AGK: variants seen among roughly 807,000 people sequenced by gnomAD.
AGK encodes the protein acylglycerol kinase, mitochondrial.
AGK carries 52 observed loss-of-function variants against 66.4 expected under a neutral mutation model. That is an observed-to-expected ratio of 0.78 (90% CI 0.63 to 0.99). AGK has a LOEUF of 0.99. Among genes scored for constraint, AGK ranks in the 50% least tolerant of loss-of-function variants. AGK has a pLI of 0.00. For missense variants in AGK, 451 were observed against 506.6 expected, an observed-to-expected ratio of 0.89 and a Z score of 1.05; for synonymous variants, 182 against 181.1, an observed-to-expected ratio of 1.00 and a Z score of -0.04.
chr7:141,655,148 G>T lies in AGK; in HGVS notation c.*2224G>T, dbSNP rs891027514. 1 of 152,216 alleles carries T rather than the reference G, an allele frequency of 6.6e-6. No individual in the cohort carries two copies. Among genetic ancestry groups the T allele is most frequent in the South Asian group, 2.1e-4 (1 of 4,836 alleles). The allele number at this position is 152,216 out of a possible 1,614,324, so 9.4% of individuals were successfully genotyped here. A position where few individuals can be genotyped will look rare whatever the true frequency, so the allele number is the denominator to read the frequency against. ...GTGTGTGTTTATGTGTGCTCATTTT[G>T]TGGTTCTAATCATAATGGTACATAT... On this transcript the variant is annotated 3_prime_UTR_variant, in exon 16 of 16. Coordinates refer to ENST00000649286, the MANE Select transcript of AGK (RefSeq NM_018238.4).
At chr7:141,620,411 ACT>A (rs1796798032) in intron 8 of AGK, among the ~76,000 whole-genome samples, 1 of 152,154 alleles carries the variant, frequency 6.6e-6, no homozygotes, top group South Asian at 2.1e-4. Flanking sequence ...GGAAGTTGTC[ACT>A]CTGTCCTAAC....
chr7:141,647,059 CCTCT>C (rs1311586770), intron 13 of AGK, among the ~76,000 whole-genome samples: 1 of 152,082 alleles, frequency 6.6e-6, no homozygotes, highest in East Asian at 1.9e-4. Flanking sequence ...TCTTCCTCCT[CCTCT>C]CTAACTACCC....
intron 2 of AGK, among the ~76,000 whole-genome samples, chr7:141,567,350 C>G (rs1795494977): frequency 6.6e-6 from 1 of 152,120 alleles, no homozygotes; most frequent in Non-Finnish European, 1.5e-5. Flanking sequence ...TATCTGACCC[C>G]TTTTGATTAC....
At chr7:141,597,360 T>C (rs1224127107) in intron 4 of AGK, 1 of 152,300 alleles carries the variant, frequency 6.6e-6, no homozygotes, top group Non-Finnish European at 1.5e-5. Context: ...ACTCAAAGTC[T>C]GTTAAGGAAA....
At position 141,615,549 on chromosome 7, in the gene AGK, A is replaced by C; in HGVS notation, c.502A>C (p.Ser168Arg). ...TTTGAGTCATACCCTCTTTGCCGAA[A>C]GTGGAAACAAAGTCCAGTAGGTTGT... ...SSLSHTLFAE[S>R]GNKVQHITDA... is the part of the protein sequence containing the mutation. The change falls in exon 8 of 16, where the codon AGT (serine) becomes CGT (arginine). Residue 168 changes from serine to arginine, a missense_variant. Physicochemically the swap from Ser to Arg is moderately radical, Grantham distance 110 (BLOSUM62 -1). Coordinates refer to ENST00000649286, the MANE Select transcript of AGK (RefSeq NM_018238.4). 6.2e-7 allele frequency: 1 copy of C among 1,613,810 alleles called. No individual in the cohort carries two copies. Among genetic ancestry groups the C allele is most frequent in the Non-Finnish European group, 8.5e-7 (1 of 1,179,708 alleles).
intron 2 of AGK, among the ~76,000 whole-genome samples, chr7:141,558,030 C>T (rs758855017): frequency 6.6e-6 from 1 of 152,218 alleles, no homozygotes; most frequent in African/African-American, 2.4e-5. Flanking sequence ...TCCTTGACAA[C>T]CACTATTCTA....
intron 2 of AGK, among the ~76,000 whole-genome samples, chr7:141,563,669 C>T (rs761207957): frequency 6.6e-6 from 1 of 152,216 alleles, no homozygotes; most frequent in African/African-American, 2.4e-5. Context: ...ATCACTTGCT[C>T]CTGTTCCACT....
intron 5 of AGK, among the ~76,000 whole-genome samples, chr7:141,609,405 A>G (rs940669673): frequency 2.6e-5 from 4 of 152,184 alleles, no homozygotes; most frequent in African/African-American, 4.8e-5. Context: ...AGGTTCGGTA[A>G]CTCAAACTCA....
At chr7:141,633,013 AC>A (rs1797091642) in intron 9 of AGK, among the ~76,000 whole-genome samples, 2 of 152,190 alleles carry the variant, frequency 1.3e-5, no homozygotes, top group Non-Finnish European at 2.9e-5. Context: ...CTAGGCAGCG[AC>A]TTGCACTGCC....
intron 2 of AGK, among the ~76,000 whole-genome samples, chr7:141,560,567 G>A (rs996040916): frequency 1.3e-5 from 2 of 151,822 alleles, no homozygotes; most frequent in African/African-American, 4.8e-5. Context: ...CCCGTTACCC[G>A]AGCAGCGTAC....
intron 9 of AGK, among the ~76,000 whole-genome samples, chr7:141,622,292 T>G (rs1024578700): frequency 6.6e-6 from 1 of 152,162 alleles, no homozygotes; most frequent in Non-Finnish European, 1.5e-5. Flanking sequence ...CTTTTAGACC[T>G]TATCTTTGAC....
At chr7:141,553,086 A>C (rs1587050020) in intron 1 of AGK, among the ~76,000 whole-genome samples, 1 of 152,220 alleles carries the variant, frequency 6.6e-6, no homozygotes, top group African/African-American at 2.4e-5. Context: ...GGAAGTCCAA[A>C]GTTAAGGTGC....
At chr7:141,605,829 C>T (rs533765732) in intron 5 of AGK, among the ~76,000 whole-genome samples, 1 of 152,306 alleles carries the variant, frequency 6.6e-6, no homozygotes, top group Non-Finnish European at 1.5e-5. Flanking sequence ...GTGCTTTCTA[C>T]CTTAGGCTTT....
chr7:141,610,222 C>T (rs1402522357), intron 5 of AGK, among the ~76,000 whole-genome samples: 1 of 152,096 alleles, frequency 6.6e-6, no homozygotes, highest in Non-Finnish European at 1.5e-5. Context: ...CTGCCTTGGC[C>T]TCCCAAAGTG....
intron 14 of AGK, among the ~76,000 whole-genome samples, chr7:141,650,315 T>A (rs945672708): frequency 6.6e-6 from 1 of 152,236 alleles, no homozygotes; most frequent in Non-Finnish European, 1.5e-5. Context: ...ACAATCTTCA[T>A]TGACAGTCTG....
At chr7:141,557,883 C>T (rs371756106) in intron 2 of AGK, among the ~76,000 whole-genome samples, 25 of 152,164 alleles carry the variant, frequency 1.6e-4, no homozygotes, top group East Asian at 7.7e-4. Context: ...TTCACCTTAA[C>T]CATTTGTAAA....
Position 141,621,766 on chromosome 7 carries a change from G to A in AGK, c.553G>A (p.Gly185Arg), listed in dbSNP as rs778353485. 2 of 1,613,562 alleles carry A rather than the reference G, an allele frequency of 1.2e-6. No homozygotes were observed. Among genetic ancestry groups the A allele is most frequent in the Admixed American group, 1.7e-5 (1 of 59,954 alleles). ...TGATGCCACACTTGCCATTGTGAAA[G>A]GAGAGACAGTTCCACTTGATGTCTT... The part of the protein sequence containing the change: ...ITDATLAIVK[G>R]ETVPLDVLQI... The change falls in exon 9 of 16, where the codon GGA (glycine) becomes AGA (arginine). Residue 185 changes from glycine (G) to arginine (R), a missense_variant. Gly to Arg is a moderately radical substitution (Grantham distance 125). Transcript: ENST00000649286.
chr7:141,650,284 T>C (rs1797523593), intron 14 of AGK, among the ~76,000 whole-genome samples: 1 of 152,256 alleles, frequency 6.6e-6, no homozygotes, highest in African/African-American at 2.4e-5. Context: ...CTGTTCCTTC[T>C]ACAGAATGTC....
At chr7:141,613,159 A>T (rs116397140) in intron 6 of AGK, among the ~76,000 whole-genome samples, 1 of 152,196 alleles carries the variant, frequency 6.6e-6, no homozygotes, top group Admixed American at 6.5e-5. Context: ...CCTGAAATTC[A>T]GTGAGGCAGG....
Sources: allele counts gnomAD v4.1 joint callset (sites outside exome capture counted in the v4.1 genomes callset), GRCh38; gene constraint gnomAD v4.1.1; transcripts MANE v1.5; gene names NCBI Gene and HGNC (gene_info 2026-07-23, HGNC 2026-07-21).